The following SLC4A10 variants were observed in gnomAD, a reference collection of about 807,000 sequenced individuals.
SLC4A10 encodes solute carrier family 4 member 10.
Under a neutral mutation model 137.7 loss-of-function variants are expected in SLC4A10, and 42 were observed. That is an observed-to-expected ratio of 0.30 (90% CI 0.24 to 0.39). The LOEUF (loss-of-function observed/expected upper bound fraction) is 0.39. Among genes scored for constraint, SLC4A10 ranks in the 10% least tolerant of loss-of-function variants. The probability of loss-of-function intolerance (pLI) is 1.00; values close to 1 mark genes in which losing one functional copy is unlikely to be tolerated. For synonymous variants in SLC4A10, 474 were observed against 464.1 expected, an observed-to-expected ratio of 1.02 and a Z score of -0.27; for missense variants, 925 against 1,355.0, an observed-to-expected ratio of 0.68 and a Z score of 4.98.
intron 15 of SLC4A10, among the ~76,000 whole-genome samples, chr2:161,907,011 G>C (rs1219312298): frequency 3.5e-5 from 5 of 142,628 alleles, no homozygotes; most frequent in African/African-American, 1.3e-4. Flanking sequence ...AGCTGAGATC[G>C]CGCCACTGCA....
chr2:161,956,916 T>G, intron 19 of SLC4A10, 73 bp from the exon 20 acceptor site: 2 of 1,456,450 alleles, frequency 1.4e-6, no homozygotes, highest in Non-Finnish European at 1.8e-6. Context: ...AAGTGGTTTC[T>G]ATTCGCAATC....
At chr2:161,727,196 G>A (rs1287598046) in intron 1 of SLC4A10, among the ~76,000 whole-genome samples, 1 of 152,170 alleles carries the variant, frequency 6.6e-6, no homozygotes, top group Non-Finnish European at 1.5e-5. Flanking sequence ...CTTATTCCTA[G>A]AGCTGGCAGC....
At chr2:161,883,680 C>G (rs1411999052) in intron 10 of SLC4A10, among the ~76,000 whole-genome samples, 1 of 152,104 alleles carries the variant, frequency 6.6e-6, no homozygotes, top group Non-Finnish European at 1.5e-5. Context: ...GGGGAGGATC[C>G]TTCCTTGTCT....
At chr2:161,768,556 A>G (rs2051179941) in intron 1 of SLC4A10, among the ~76,000 whole-genome samples, 1 of 151,958 alleles carries the variant, frequency 6.6e-6, no homozygotes, top group African/African-American at 2.4e-5. Context: ...AAGTACGGAC[A>G]TTTATAGAAA....
At chr2:161,749,212 G>A (rs573029537) in intron 1 of SLC4A10, among the ~76,000 whole-genome samples, 1 of 152,046 alleles carries the variant, frequency 6.6e-6, no homozygotes, top group African/African-American at 2.4e-5. Flanking sequence ...ATAGAATTAT[G>A]TCATCTATAA....
intron 4 of SLC4A10, among the ~76,000 whole-genome samples, chr2:161,841,733 A>ACATT (rs2059197926): frequency 6.6e-6 from 1 of 152,222 alleles, no homozygotes; most frequent in South Asian, 2.1e-4. Context: ...TAACATTTTA[A>ACATT]AGTAAATAAA....
At chr2:161,685,814 G>T (rs1224000098) in intron 1 of SLC4A10, among the ~76,000 whole-genome samples, 1 of 152,064 alleles carries the variant, frequency 6.6e-6, no homozygotes, top group African/African-American at 2.4e-5. Context: ...ATCATCCAAG[G>T]TTATTTGACT....
At position 161,720,035 on chromosome 2, in the gene SLC4A10, A is replaced by G. The variant is rs531049174; in HGVS notation, c.49-50938A>G. 2.5e-3 allele frequency among the ~76,000 whole-genome samples: 382 copies of G among 152,264 alleles called. 1 individual carries two copies. Among genetic ancestry groups the G allele is most frequent in the African/African-American group, 8.6e-3 (357 of 41,560 alleles). The stretch of plus-strand genomic sequence containing the variant: ...GGGTTTTTATGGTTTTAGGTCTAAC[A>G]TTTAAGTCTTTAATCCATCTTGAAT... On this transcript the variant is annotated intron_variant, in intron 1 of 26. Transcript: ENST00000446997.
chr2:161,655,285 A>G (rs1413119444), intron 1 of SLC4A10, among the ~76,000 whole-genome samples: 2 of 152,200 alleles, frequency 1.3e-5, no homozygotes, highest in East Asian at 1.9e-4. Flanking sequence ...GTTTGTCTAT[A>G]TATAAAATCA....
intron 3 of SLC4A10, among the ~76,000 whole-genome samples, chr2:161,810,039 G>T (rs533067414): frequency 9.2e-5 from 14 of 151,994 alleles, no homozygotes; most frequent in African/African-American, 3.1e-4. Flanking sequence ...TGTTTGTGTT[G>T]TCTCTGATTT....
At chr2:161,797,159 T>G (rs1474893340) in intron 2 of SLC4A10, among the ~76,000 whole-genome samples, 1 of 152,172 alleles carries the variant, frequency 6.6e-6, no homozygotes, top group Non-Finnish European at 1.5e-5. Context: ...CAAGCTTTGC[T>G]GATTATAAAA....
At chr2:161,922,528 A>G (rs1235639120) in intron 15 of SLC4A10, among the ~76,000 whole-genome samples, 28 of 152,124 alleles carry the variant, frequency 1.8e-4, no homozygotes, top group Non-Finnish European at 4.0e-4. Flanking sequence ...CTTACAAATA[A>G]TGGTTCTGAA....
At chr2:161,670,857 CT>C (rs1400683569) in intron 1 of SLC4A10, among the ~76,000 whole-genome samples, 1 of 152,092 alleles carries the variant, frequency 6.6e-6, no homozygotes, top group Non-Finnish European at 1.5e-5. Flanking sequence ...TTCTATGCAG[CT>C]TTTTCAGACC....
chr2:161,855,063 G>A lies in SLC4A10; in HGVS notation c.510G>A (p.Leu170=). The A allele has an allele frequency of 3.7e-6, 6 of 1,613,460 alleles. No individual in the cohort carries two copies. Among genetic ancestry groups the A allele is most frequent in the Non-Finnish European group, 5.1e-6 (6 of 1,179,602 alleles). ...TTTCATTGCACAGCTTGTTTGAATT[G>A]AGAAGTTGTATTCTGAATGGAACTG... ...ATLSLHSLFE[L]RSCILNGTVL... Residue 170 remains leucine (L), a synonymous_variant, in exon 5 of 27, where the codon TTG becomes TTA. Transcript: ENST00000446997.
chr2:161,962,822 A>C (rs1696954064), intron 21 of SLC4A10, among the ~76,000 whole-genome samples: 1 of 152,154 alleles, frequency 6.6e-6, no homozygotes, highest in Non-Finnish European at 1.5e-5. Context: ...GTATACAAGC[A>C]GGTCTTGGTA....
chr2:161,873,094 A>G (rs559132947), intron 7 of SLC4A10, among the ~76,000 whole-genome samples: 1 of 152,318 alleles, frequency 6.6e-6, no homozygotes, highest in East Asian at 1.9e-4. Flanking sequence ...AGCAAATCAT[A>G]ATATAAAACT....
intron 15 of SLC4A10, among the ~76,000 whole-genome samples, chr2:161,933,508 T>G (rs1417160604): frequency 1.3e-5 from 2 of 152,028 alleles, no homozygotes; most frequent in African/African-American, 4.8e-5. Flanking sequence ...TACTTCTGCC[T>G]CAGCCTCCCG....
intron 8 of SLC4A10, among the ~76,000 whole-genome samples, chr2:161,874,856 T>G (rs2061366970): frequency 6.6e-6 from 1 of 152,198 alleles, no homozygotes; most frequent in Non-Finnish European, 1.5e-5. Flanking sequence ...ACAATTTCGT[T>G]GTGAAGATTT....
chr2:161,902,619 C>T (rs1297281339), intron 12 of SLC4A10, among the ~76,000 whole-genome samples: 1 of 152,116 alleles, frequency 6.6e-6, no homozygotes, highest in Non-Finnish European at 1.5e-5. Flanking sequence ...CTTCTCAACC[C>T]TCTCCTACTC....
Sources: gnomAD v4.1 joint callset for allele counts (sites outside exome capture counted in the v4.1 genomes callset) on GRCh38, gnomAD v4.1.1 for gene constraint, MANE v1.5 for transcripts, NCBI Gene and HGNC (gene_info 2026-07-23, HGNC 2026-07-21) for gene names.